NPLOC4: variants seen among roughly 807,000 people sequenced by gnomAD.
The protein encoded by NPLOC4 is NPL4 homolog, ubiquitin recognition factor.
A neutral mutation model predicts 80.6 loss-of-function variants in NPLOC4; 18 were observed. The observed-to-expected ratio is 0.22, with a 90% CI of 0.15 to 0.33. The LOEUF (loss-of-function observed/expected upper bound fraction) is 0.33. Ranked by LOEUF, NPLOC4 falls within the 10% of genes least tolerant of loss-of-function variation. The probability of loss-of-function intolerance (pLI) is 1.00; values close to 1 mark genes in which losing one functional copy is unlikely to be tolerated. For missense variants in NPLOC4, 540 were observed against 786.1 expected (o/e 0.69, Z 3.74); for synonymous variants, 313 against 301.5 (o/e 1.04, Z -0.39).
chr17:81,630,403 T>C (rs2035897698), intron 1 of NPLOC4, among the ~76,000 whole-genome samples: 1 of 152,060 alleles, frequency 6.6e-6, no homozygotes, highest in African/African-American at 2.4e-5. Context: ...TCCTCTGACC[T>C]CAGCCTCCCG....
intron 5 of NPLOC4, 38 bp from the exon 6 acceptor site, chr17:81,608,860 G>T: frequency 2.7e-6 from 4 of 1,502,904 alleles, no homozygotes; most frequent in African/African-American, 1.4e-5. Context: ...AGTCTCACAC[G>T]TGCCGGTCAC....
At chr17:81,595,545 C>A (rs1039109573) in intron 11 of NPLOC4, among the ~76,000 whole-genome samples, 5 of 86,416 alleles carry the variant, frequency 5.8e-5, no homozygotes, top group Non-Finnish European at 1.0e-4. Context: ...TTTTTTTTTT[C>A]TTTTCTTTTC....
At chr17:81,636,751 TG>T (rs1286076001) in intron 1 of NPLOC4, among the ~76,000 whole-genome samples, 164 bp downstream of exon 1, 2 of 149,878 alleles carry the variant, frequency 1.3e-5, no homozygotes, top group Non-Finnish European at 3.0e-5. Context: ...CCGAGGGGGG[TG>T]AAAGTCCCCG....
intron 12 of NPLOC4, among the ~76,000 whole-genome samples, chr17:81,578,806 C>T (rs1174386565): frequency 2.0e-5 from 3 of 152,210 alleles, no homozygotes; most frequent in African/African-American, 7.2e-5. Flanking sequence ...TGGGTGTGGA[C>T]ACAAAGCCTA....
intron 12 of NPLOC4, among the ~76,000 whole-genome samples, chr17:81,574,066 G>T (rs566786374): frequency 6.6e-6 from 1 of 152,324 alleles, no homozygotes; most frequent in African/African-American, 2.4e-5. Context: ...ATGGAGATTT[G>T]GTAGGAGGCA....
chr17:81,568,886 C>A, intron 14 of NPLOC4, 130 bp downstream of exon 14: 1 of 663,036 alleles, frequency 1.5e-6, no homozygotes, highest in Non-Finnish European at 2.7e-6. Context: ...CCACAGTAGG[C>A]CCTAGCTGGC....
chr17:81,602,980 T>TACACACACAC (rs150613321), intron 8 of NPLOC4, among the ~76,000 whole-genome samples: 14 of 145,058 alleles, frequency 9.7e-5, no homozygotes, highest in African/African-American at 3.3e-4. Context: ...TATACACAAA[T>TACACACACAC]ACACACACAC....
At position 81,558,435 on chromosome 17, in the gene NPLOC4, T is replaced by C. The variant is rs2033719093; in HGVS notation, c.*824A>G. Reference sequence around the variant, plus strand: ...GCAGCTGTGTGGCTTGGTAGAAAAGTCTCAGGCACTGAGGTTTACTTCAAG... The same window carrying C: ...GCAGCTGTGTGGCTTGGTAGAAAAGCCTCAGGCACTGAGGTTTACTTCAAG... On this transcript the variant is annotated 3_prime_UTR_variant, in exon 17 of 17. Transcript: ENST00000331134. The C allele has an allele frequency of 6.6e-6, 1 of 152,104 alleles. No homozygotes were observed. The highest frequency in any genetic ancestry group is 2.4e-5 in the African/African-American group (1 of 41,414). 9.4% of individuals were successfully genotyped at this position (152,104 alleles called of 1,614,324 possible).
chr17:81,587,211 C>T (rs1324096288), intron 12 of NPLOC4, among the ~76,000 whole-genome samples: 1 of 152,214 alleles, frequency 6.6e-6, no homozygotes, highest in Non-Finnish European at 1.5e-5. Flanking sequence ...CAGTGGCTCA[C>T]GCCTATAACC....
chr17:81,607,464 A>G (rs1235704628), intron 6 of NPLOC4, among the ~76,000 whole-genome samples: 1 of 152,116 alleles, frequency 6.6e-6, no homozygotes, highest in Non-Finnish European at 1.5e-5. Context: ...TAAAAACGAT[A>G]TATTTACAGT....
chr17:81,573,617 T>C, intron 12 of NPLOC4: 1 of 152,194 alleles, frequency 6.6e-6, no homozygotes. Flanking sequence ...TAATAAAAAA[T>C]TTTTAAATTC....
chr17:81,581,375 A>C lies in NPLOC4; in HGVS notation c.1281+7569T>G, dbSNP rs202238198. On this transcript the variant is annotated intron_variant, in intron 12 of 16. Transcript: ENST00000331134. ...AAAAAAAAAAAAAAAAAAAAAAAAA[A>C]AGTTAATAAAATCACCATGTCACAA... Among the ~76,000 whole-genome samples, 226 of 72,834 alleles carry C rather than the reference A, an allele frequency of 3.1e-3. 36 individuals carry two copies. Among genetic ancestry groups the C allele is most frequent in the Admixed American group, 5.4e-3 (31 of 5,764 alleles). 47.8% of individuals were successfully genotyped at this position (72,834 alleles called of 152,430 possible).
chr17:81,571,937 G>C, intron 13 of NPLOC4, 80 bp downstream of exon 13: 1 of 1,044,240 alleles, frequency 9.6e-7, no homozygotes, highest in East Asian at 2.9e-5. Context: ...CTCCTCCCTT[G>C]AGCAGCCACC....
chr17:81,589,296 T>C (rs963061992), intron 11 of NPLOC4, among the ~76,000 whole-genome samples, 192 bp from the exon 12 acceptor site: 5 of 152,078 alleles, frequency 3.3e-5, no homozygotes, highest in Admixed American at 6.5e-5. Flanking sequence ...TTTGGGAGGC[T>C]GAGACAGGCG....
At position 81,558,183 on chromosome 17, in the gene NPLOC4, G is replaced by A. The variant is rs2033708334; in HGVS notation, c.*1076C>T. The A allele has an allele frequency of 6.6e-6, 1 of 152,370 alleles. No homozygotes were observed. Among genetic ancestry groups the A allele is most frequent in the South Asian group, 2.1e-4 (1 of 4,846 alleles). 9.4% of individuals were successfully genotyped at this position (152,370 alleles called of 1,614,324 possible). A position where few individuals can be genotyped will look rare whatever the true frequency, so the allele number is the denominator to read the frequency against. Reference sequence around the variant, plus strand: ...CCAGATCGCCCAGTCTCCCTCTATTGGTACACTATCAATTGTGCAGTGCCC... The same window carrying A: ...CCAGATCGCCCAGTCTCCCTCTATTAGTACACTATCAATTGTGCAGTGCCC... On this transcript the variant is annotated 3_prime_UTR_variant, in exon 17 of 17. Coordinates refer to ENST00000331134, the MANE Select transcript of NPLOC4 (RefSeq NM_017921.4).
intron 2 of NPLOC4, among the ~76,000 whole-genome samples, chr17:81,628,313 G>A (rs2144325747): frequency 6.6e-6 from 1 of 152,014 alleles, no homozygotes; most frequent in South Asian, 2.1e-4. Context: ...GGGAGTTCAA[G>A]ACCAGCATGG....
At position 81,577,581 on chromosome 17, in the gene NPLOC4, C is replaced by T. The variant is rs1469216884; in HGVS notation, c.1282-5493G>A. Among the ~76,000 whole-genome samples, 2 of 152,182 alleles carry T rather than the reference C, an allele frequency of 1.3e-5. No individual in the cohort carries two copies. The highest frequency in any genetic ancestry group is 4.8e-5 in the African/African-American group (2 of 41,424). On this transcript the variant is annotated intron_variant, in intron 12 of 16. Coordinates refer to ENST00000331134, the MANE Select transcript of NPLOC4 (RefSeq NM_017921.4). The surrounding 1 kb of genome is among the most constrained non-coding windows in gnomAD (Gnocchi z 4.3). Reference sequence around the variant, plus strand: ...ACTTCTGGGTTAATTTAGGCTTTCTCCACAGATAGTCTGAAAAGGGAACTA... The same window carrying T: ...ACTTCTGGGTTAATTTAGGCTTTCTTCACAGATAGTCTGAAAAGGGAACTA...
At chr17:81,617,181 G>C (rs372202202) in intron 3 of NPLOC4, among the ~76,000 whole-genome samples, 1 of 152,200 alleles carries the variant, frequency 6.6e-6, no homozygotes, top group Non-Finnish European at 1.5e-5. Flanking sequence ...TGTGGCAGCA[G>C]AGCAGAAACT....
At chr17:81,563,027 C>T (rs1157211592) in intron 16 of NPLOC4, 1 of 151,064 alleles carries the variant, frequency 6.6e-6, no homozygotes, top group African/African-American at 2.4e-5. Context: ...GCAGGAAGAT[C>T]ACTTGAGCCT....
Sources: gnomAD v4.1 joint callset for allele counts (sites outside exome capture counted in the v4.1 genomes callset) on GRCh38, gnomAD v4.1.1 for gene constraint, Gnocchi (gnomAD v3.1) non-coding constraint, MANE v1.5 for transcripts, NCBI Gene and HGNC (gene_info 2026-07-23, HGNC 2026-07-21) for gene names.